The following MEF2A variants were observed in gnomAD, a reference collection of about 807,000 sequenced individuals.
The protein encoded by MEF2A is myocyte-specific enhancer factor 2A.
In MEF2A, 28 loss-of-function variants were observed where a neutral mutation model predicts 55.8. The observed-to-expected ratio is 0.50, with a 90% CI of 0.37 to 0.69. The LOEUF is 0.69. MEF2A is among the 30% of genes least tolerant of loss of function. MEF2A has a pLI of 0.00. For missense variants in MEF2A, 528 were observed against 626.2 expected, an observed-to-expected ratio of 0.84 and a Z score of 1.67; for synonymous variants, 239 against 227.1, an observed-to-expected ratio of 1.05 and a Z score of -0.47.
intron 7 of MEF2A, among the ~76,000 whole-genome samples, chr15:99,687,246 T>G (rs554017502): frequency 2.0e-5 from 3 of 152,084 alleles, no homozygotes; most frequent in African/African-American, 7.2e-5. Context: ...CCATTTTACG[T>G]CTCAGAATGC....
chr15:99,623,111 C>T (rs999816897), intron 2 of MEF2A, among the ~76,000 whole-genome samples: 1 of 152,178 alleles, frequency 6.6e-6, no homozygotes, highest in Non-Finnish European at 1.5e-5. Flanking sequence ...CTCTATGTCT[C>T]TGAATTTGAC....
Position 99,712,671 on chromosome 15 carries a change from G to C in MEF2A, c.1418G>C (p.Gly473Ala). ...YDGSDREDPRGDFHSPIVLGR... is the reference protein window; with the variant it reads ...YDGSDREDPRADFHSPIVLGR... Reference sequence around the variant, plus strand: ...GGCAGTGATCGGGAGGATCCACGGGGCGACTTCCATTCTCCAATTGTGCTT... The same window carrying C: ...GGCAGTGATCGGGAGGATCCACGGGCCGACTTCCATTCTCCAATTGTGCTT... The change falls in exon 12 of 12, where the codon GGC becomes GCC. Residue 473 changes from glycine (G) to alanine (A), a missense_variant. By Grantham distance (60) the Gly-to-Ala change is moderately conservative. Around this residue, in one of 2 missense-constraint regions of MEF2A, gnomAD observed 450 missense variants for 475.3 expected, o/e 0.95. Coordinates refer to ENST00000557942, the MANE Select transcript of MEF2A (RefSeq NM_001319206.4). This position sits in a 1 kb window ranked among gnomAD's most constrained non-coding sequence, Gnocchi z 4.1. The C allele has an allele frequency of 6.4e-7, 1 of 1,558,036 alleles. No individual in the cohort carries two copies. The highest frequency in any genetic ancestry group is 2.4e-5 in the East Asian group (1 of 41,364).
intron 1 of MEF2A, among the ~76,000 whole-genome samples, chr15:99,584,749 T>G (rs548777963): frequency 6.6e-6 from 1 of 152,268 alleles, no homozygotes; most frequent in South Asian, 2.1e-4. Flanking sequence ...TAAAGGGTGA[T>G]GAAAATGTTA....
At chr15:99,647,106 T>G (rs2046082295) in intron 4 of MEF2A, among the ~76,000 whole-genome samples, 1 of 152,184 alleles carries the variant, frequency 6.6e-6, no homozygotes, top group African/African-American at 2.4e-5. Flanking sequence ...TTATAAATTA[T>G]ATTATTTAGC....
At chr15:99,682,726 G>A (rs2153684473) in intron 7 of MEF2A, among the ~76,000 whole-genome samples, 1 of 152,206 alleles carries the variant, frequency 6.6e-6, no homozygotes, top group Admixed American at 6.5e-5. Flanking sequence ...TTGAAATTTG[G>A]TTCTCATGAG....
chr15:99,585,287 C>A (rs75808305), intron 1 of MEF2A, among the ~76,000 whole-genome samples: 5,773 of 152,198 alleles, frequency 0.038, 164 homozygotes, highest in Non-Finnish European at 0.062. Flanking sequence ...CATCCCTATT[C>A]AAGTTTGTGT....
At chr15:99,643,837 T>C (rs1277243966) in intron 3 of MEF2A, among the ~76,000 whole-genome samples, 3 of 152,170 alleles carry the variant, frequency 2.0e-5, no homozygotes, top group Non-Finnish European at 4.4e-5. Flanking sequence ...GTGATTCGCC[T>C]GCCTCAGCCT....
At chr15:99,677,759 A>G (rs897090854) in intron 7 of MEF2A, among the ~76,000 whole-genome samples, 25 of 152,152 alleles carry the variant, frequency 1.6e-4, no homozygotes, top group African/African-American at 5.1e-4. Context: ...GCTGTGCTTT[A>G]TGAGAAATTT....
chr15:99,630,378 C>T (rs1350404757), intron 2 of MEF2A, among the ~76,000 whole-genome samples: 2 of 152,074 alleles, frequency 1.3e-5, no homozygotes, highest in East Asian at 3.9e-4. Context: ...ATTATTAAAA[C>T]CATCCATCAC....
intron 8 of MEF2A, among the ~76,000 whole-genome samples, chr15:99,702,218 GTAAT>G (rs1052103471): frequency 6.6e-5 from 10 of 152,110 alleles, no homozygotes; most frequent in African/African-American, 2.4e-4. Context: ...TTCAGAGTAA[GTAAT>G]CGGTCCCACC....
At chr15:99,651,887 A>G (rs981135164) in intron 4 of MEF2A, among the ~76,000 whole-genome samples, 9 of 152,186 alleles carry the variant, frequency 5.9e-5, no homozygotes, top group Non-Finnish European at 1.2e-4. Context: ...GGAAAAGATG[A>G]TAGATATCAC....
At chr15:99,697,047 C>T (rs989396626) in intron 8 of MEF2A, among the ~76,000 whole-genome samples, 2 of 89,370 alleles carry the variant, frequency 2.2e-5, no homozygotes, top group East Asian at 7.4e-4. Flanking sequence ...AACATCTATT[C>T]ATCATTTAAA....
At chr15:99,691,926 A>C (rs2055554075) in intron 8 of MEF2A, among the ~76,000 whole-genome samples, 1 of 152,216 alleles carries the variant, frequency 6.6e-6, no homozygotes, top group South Asian at 2.1e-4. Flanking sequence ...TTTGTAAAGA[A>C]CAGGAGAATC....
chr15:99,712,280 A>G lies in MEF2A; in HGVS notation c.1137-110A>G. ...CAAACCAGTCTTGGGGAACTCTGAT[A>G]AGATTTCAGACTCTGGGCCCTTTTC... On this transcript the variant is annotated intron_variant, in intron 11 of 11. Transcript: ENST00000557942. The surrounding 1 kb of genome is among the most constrained non-coding windows in gnomAD (Gnocchi z 4.1). 7.0e-7 allele frequency: 1 copy of G among 1,432,382 alleles called. No homozygotes were observed. The highest frequency in any genetic ancestry group is 2.5e-5 in the East Asian group (1 of 39,892). 88.7% of individuals were successfully genotyped at this position (1,432,382 alleles called of 1,614,324 possible). A position where few individuals can be genotyped will look rare whatever the true frequency, so the allele number is the denominator to read the frequency against.
intron 10 of MEF2A, among the ~76,000 whole-genome samples, chr15:99,709,663 T>G (rs2153820939): frequency 6.6e-6 from 1 of 152,332 alleles, no homozygotes; most frequent in East Asian, 1.9e-4. Flanking sequence ...TAGAAGAGTT[T>G]TGCCACCTCT....
intron 2 of MEF2A, among the ~76,000 whole-genome samples, chr15:99,620,661 T>C (rs2040997259): frequency 6.6e-6 from 1 of 152,158 alleles, no homozygotes; most frequent in Admixed American, 6.5e-5. Flanking sequence ...CATGTGTCTT[T>C]TTGGTAGATT....
chr15:99,573,016 C>T (rs1010208068), intron 1 of MEF2A, among the ~76,000 whole-genome samples: 5 of 152,046 alleles, frequency 3.3e-5, no homozygotes, highest in African/African-American at 4.8e-5. Flanking sequence ...CGGCCGGGCG[C>T]GGTGGCTCAC....
chr15:99,710,369 A>G (rs2058499333), intron 10 of MEF2A, among the ~76,000 whole-genome samples: 1 of 152,132 alleles, frequency 6.6e-6, no homozygotes, highest in African/African-American at 2.4e-5. Context: ...CAGCCTCCCA[A>G]GTAGCTGGGA....
intron 2 of MEF2A, among the ~76,000 whole-genome samples, chr15:99,623,498 A>T (rs764214419): frequency 6.6e-6 from 1 of 152,200 alleles, no homozygotes; most frequent in Non-Finnish European, 1.5e-5. Context: ...TAGCAGCTGT[A>T]CTATTTTACA....
Sources: gnomAD v4.1 joint callset for allele counts (sites outside exome capture counted in the v4.1 genomes callset) on GRCh38, gnomAD v4.1.1 for gene constraint, gnomAD v4.1.1 regional missense constraint, Gnocchi (gnomAD v3.1) non-coding constraint, MANE v1.5 for transcripts, NCBI Gene and HGNC (gene_info 2026-07-23, HGNC 2026-07-21) for gene names.